ZNF766: variants seen among roughly 807,000 people sequenced by gnomAD.
ZNF766 encodes zinc finger protein 766.
Under a neutral mutation model 13.2 loss-of-function variants are expected in ZNF766, and 13 were observed. The ratio of observed to expected loss-of-function variants is 0.98; its 90% CI spans 0.64 to 1.56. The LOEUF (loss-of-function observed/expected upper bound fraction) is 1.56. Among genes scored for constraint, ZNF766 ranks in the 40% most tolerant of loss-of-function variants. The pLI, the probability that ZNF766 is intolerant of heterozygous loss-of-function variation, is 0.00. For missense variants in ZNF766, 521 were observed against 552.2 expected (o/e 0.94, Z 0.57); for synonymous variants, 178 against 187.6 (o/e 0.95, Z 0.42).
chr19:52,278,553 G>C (rs1981330068), intron 1 of ZNF766, among the ~76,000 whole-genome samples: 1 of 152,112 alleles, frequency 6.6e-6, no homozygotes, highest in Non-Finnish European at 1.5e-5. Context: ...ACAGGCCCCT[G>C]CCAGCACACT....
At chr19:52,285,569 TG>T (rs1472883466) in intron 3 of ZNF766, among the ~76,000 whole-genome samples, 1 of 152,210 alleles carries the variant, frequency 6.6e-6, no homozygotes, top group Non-Finnish European at 1.5e-5. Flanking sequence ...GGGACAGGTA[TG>T]GGGGAAGGAC....
intron 1 of ZNF766, among the ~76,000 whole-genome samples, chr19:52,277,707 C>T (rs570813933): frequency 6.6e-6 from 1 of 152,090 alleles, no homozygotes; most frequent in Non-Finnish European, 1.5e-5. Flanking sequence ...GATTCCATCT[C>T]TTGTGACCCA....
chr19:52,292,407 C>T lies in ZNF766; in HGVS notation c.*1209C>T, dbSNP rs963193176. The T allele has an allele frequency of 4.4e-5, 22 of 504,146 alleles. 1 individual carries two copies. Among genetic ancestry groups the T allele is most frequent in the East Asian group, 6.3e-5 (2 of 31,632 alleles). The allele number at this position is 504,146 out of a possible 1,614,324, so 31.2% of individuals were successfully genotyped here. A position where few individuals can be genotyped will look rare whatever the true frequency, so the allele number is the denominator to read the frequency against. ...CTACAAATGACCATGAAATAGAGCA[C>T]GCCATGACTTTAGGACACAGGGATT... is the stretch of plus-strand genomic sequence containing the variant. On this transcript the variant is annotated 3_prime_UTR_variant, in exon 4 of 4. Transcript: ENST00000439461.
rs142583203 is a variant in ZNF766, at chr19:52,271,387, G to A, written c.18+1756G>A. On this transcript the variant is annotated intron_variant, in intron 1 of 3. Coordinates refer to ENST00000439461, the MANE Select transcript of ZNF766 (RefSeq NM_001010851.3). ...TGTGCCAGAGAACTGGTCAGTATGC[G>A]GAAAAACACGTGCACATTTCCATCT... Among the ~76,000 whole-genome samples, 7 of 152,128 alleles carry A rather than the reference G, an allele frequency of 4.6e-5. No individual in the cohort carries two copies. The East Asian group carries it at 5.8e-4, about 13-fold the overall frequency.
Position 52,294,884 on chromosome 19 carries a change from C to T in ZNF766, c.*3686C>T, listed in dbSNP as rs1982284671. On this transcript the variant is annotated 3_prime_UTR_variant, in exon 4 of 4. Transcript: ENST00000439461. ...TGTGAAATTTTTTTAGTAAAATTGC[C>T]TAAGATACTTTTTATAGTAGACAAT... The T allele has an allele frequency of 1.3e-5, 2 of 151,480 alleles. No homozygotes were observed. Among genetic ancestry groups the T allele is most frequent in the South Asian group, 4.1e-4 (2 of 4,822 alleles). The allele number at this position is 151,480 out of a possible 1,614,324, so 9.4% of individuals were successfully genotyped here.
chr19:52,284,848 A>G (rs1285785278), intron 3 of ZNF766: 5 of 152,064 alleles, frequency 3.3e-5, no homozygotes, highest in Non-Finnish European at 7.4e-5. Context: ...AGATGAGGAG[A>G]TTCACAAGGC....
At chr19:52,285,557 G>C (rs1296820326) in intron 3 of ZNF766, among the ~76,000 whole-genome samples, 1 of 152,234 alleles carries the variant, frequency 6.6e-6, no homozygotes, top group South Asian at 2.1e-4. Context: ...GAAGAGACAT[G>C]TGGGACAGGT....
chr19:52,281,065 G>A (rs1981488511), intron 1 of ZNF766, among the ~76,000 whole-genome samples: 1 of 151,812 alleles, frequency 6.6e-6, no homozygotes, highest in Admixed American at 6.6e-5. Context: ...TGAGGCAGGA[G>A]AATCCCTTGA....
At chr19:52,281,845 G>GTCTTCAGAGAC in intron 1 of ZNF766, 1 of 536,578 alleles carries the variant, frequency 1.9e-6, no homozygotes, top group South Asian at 1.5e-5. Context: ...AGTAGTTGGC[G>GTCTTCAGAGAC]TCTTCAGAGA....
chr19:52,279,710 T>C (rs1187778091), intron 1 of ZNF766, among the ~76,000 whole-genome samples: 1 of 151,172 alleles, frequency 6.6e-6, no homozygotes, highest in South Asian at 2.1e-4. Context: ...TTAAAACATA[T>C]TATATTTATA....
chr19:52,292,520 T>G lies in ZNF766; in HGVS notation c.*1322T>G. The G allele has an allele frequency of 7.8e-6, 2 of 255,178 alleles. No homozygotes were observed. The highest frequency in any genetic ancestry group is 7.4e-6 in the Non-Finnish European group (1 of 135,068). The allele number at this position is 255,178 out of a possible 1,614,324, so 15.8% of individuals were successfully genotyped here. A position where few individuals can be genotyped will look rare whatever the true frequency, so the allele number is the denominator to read the frequency against. ...GGCCACCGTCTCCATTGAATAGCAATAGCTGCTGTTTAGCAAAGACTGATT... is the reference window on the plus strand; with the variant it reads ...GGCCACCGTCTCCATTGAATAGCAAGAGCTGCTGTTTAGCAAAGACTGATT... On this transcript the variant is annotated 3_prime_UTR_variant, in exon 4 of 4. Transcript: ENST00000439461.
At chr19:52,271,348 C>T (rs1980964146) in intron 1 of ZNF766, among the ~76,000 whole-genome samples, 1 of 152,126 alleles carries the variant, frequency 6.6e-6, no homozygotes, top group South Asian at 2.1e-4. Context: ...AATTGTGGGT[C>T]ATCCAGCTGG....
At chr19:52,276,728 A>G (rs1981220011) in intron 1 of ZNF766, among the ~76,000 whole-genome samples, 1 of 152,316 alleles carries the variant, frequency 6.6e-6, no homozygotes, top group South Asian at 2.1e-4. Flanking sequence ...GGGTTTTGCA[A>G]CGTATCCCCT....
At chr19:52,273,495 AGC>A (rs1179917984) in intron 1 of ZNF766, among the ~76,000 whole-genome samples, 8 of 152,186 alleles carry the variant, frequency 5.3e-5, no homozygotes, top group East Asian at 1.9e-4. Flanking sequence ...CCTCTGCCGC[AGC>A]CACACAGACC....
In ZNF766 at chr19:52,279,115, G is replaced by A. The variant is rs367560967; in HGVS notation, c.19-2996G>A. On this transcript the variant is annotated intron_variant, in intron 1 of 3. Transcript: ENST00000439461. ...TGTGGCTAGCTGGTTATCCAGCACC[G>A]TTTATGAAATAGGGAGTCTTTTCCC... 2.0e-5 allele frequency among the ~76,000 whole-genome samples: 3 copies of A among 152,158 alleles called. 1 individual carries two copies. Among genetic ancestry groups the A allele is most frequent in the South Asian group, 4.1e-4 (2 of 4,826 alleles).
rs1240764746 is a variant in ZNF766 at position 52,283,265 on chromosome 19, ATTCT to A, written c.146-13_146-10del. The A allele has an allele frequency of 3.1e-6, 5 of 1,609,820 alleles. No homozygotes were observed. Among genetic ancestry groups the A allele is most frequent in the East Asian group, 4.5e-5 (2 of 44,800 alleles). On this transcript the variant is annotated splice_polypyrimidine_tract_variant and intron_variant, in intron 2 of 3. Transcript: ENST00000439461. ...TTTGGAGACATCACAGCACATCTTG[ATTCT>A]TTCTTTTATAAACAGGAATCTGTCT...
In ZNF766 at chr19:52,292,228, T is replaced by C. The variant is rs937739044; in HGVS notation, c.*1030T>C. The C allele has an allele frequency of 1.4e-6, 1 of 700,892 alleles. No homozygotes were observed. The highest frequency in any genetic ancestry group is 1.8e-5 in the African/African-American group (1 of 57,120). The allele number at this position is 700,892 out of a possible 1,614,324, so 43.4% of individuals were successfully genotyped here. ...AGATGAGGAGCGTTTCTATCCAGTT[T>C]CCTGGAGGAATAAGGACACTGCCTT... On this transcript the variant is annotated 3_prime_UTR_variant, in exon 4 of 4. Transcript: ENST00000439461.
In ZNF766 at chr19:52,290,310, G is replaced by A; in HGVS notation, c.519G>A (p.Leu173=). ...KHRNDFVDFP[L]LSQEQKAHIR... ...GGAATGATTTTGTTGATTTTCCATTGCTGTCACAAGAACAGAAAGCACACA... is the reference window on the plus strand; with the variant it reads ...GGAATGATTTTGTTGATTTTCCATTACTGTCACAAGAACAGAAAGCACACA... The change falls in exon 4 of 4, where the codon TTG becomes TTA. Residue 173 remains leucine (L), a synonymous_variant. Coordinates refer to ENST00000439461, the MANE Select transcript of ZNF766 (RefSeq NM_001010851.3). The A allele has an allele frequency of 1.9e-6, 3 of 1,613,816 alleles. No homozygotes were observed. Among genetic ancestry groups the A allele is most frequent in the Non-Finnish European group, 2.5e-6 (3 of 1,179,828 alleles).
At position 52,276,784 on chromosome 19, in the gene ZNF766, G is replaced by A. The variant is rs573267097; in HGVS notation, c.19-5327G>A. ...TATTCTGTATCCAGCATTGAGCACC[G>A]AAGCCGTGTTCTCATTTCTGAAGGC... On this transcript the variant is annotated intron_variant, in intron 1 of 3. Transcript: ENST00000439461. Among the ~76,000 whole-genome samples the A allele has an allele frequency of 1.5e-4, 23 of 152,258 alleles. No homozygotes were observed. The South Asian group carries it at 4.6e-3, about 30-fold the overall frequency.
Sources: gnomAD v4.1 joint callset for allele counts (sites outside exome capture counted in the v4.1 genomes callset) on GRCh38, gnomAD v4.1.1 for gene constraint, MANE v1.5 for transcripts, NCBI Gene and HGNC (gene_info 2026-07-23, HGNC 2026-07-21) for gene names.